HM13: variants seen among roughly 807,000 people sequenced by gnomAD.
HM13 encodes the protein histocompatibility minor 13.
HM13 carries 18 observed loss-of-function variants against 50.0 expected under a neutral mutation model. That is an observed-to-expected ratio of 0.36 (90% CI 0.25 to 0.53). The LOEUF (loss-of-function observed/expected upper bound fraction) is 0.53, where lower values mean the gene tolerates loss of function less well. HM13 is among the 20% of genes least tolerant of loss of function. The pLI is 0.90. For synonymous variants in HM13, 197 were observed against 232.6 expected, an observed-to-expected ratio of 0.85 and a Z score of 1.39; for missense variants, 393 against 552.4, an observed-to-expected ratio of 0.71 and a Z score of 2.89.
intron 3 of HM13, 70 bp from the exon 4 acceptor site, chr20:31,544,877 G>A (rs1437243379): frequency 1.6e-6 from 2 of 1,217,218 alleles, no homozygotes; most frequent in Non-Finnish European, 2.4e-6. Flanking sequence ...CTGTAAATGG[G>A]GCAGGGGTGT....
chr20:31,566,518 C>T (rs1984925043), intron 11 of HM13, among the ~76,000 whole-genome samples: 1 of 152,144 alleles, frequency 6.6e-6, no homozygotes, highest in Non-Finnish European at 1.5e-5. Flanking sequence ...CATCAGAGCC[C>T]TCTAGGCATC....
intron 1 of HM13, among the ~76,000 whole-genome samples, chr20:31,515,110 C>T (rs1981693740): frequency 6.6e-6 from 1 of 152,178 alleles, no homozygotes; most frequent in South Asian, 2.1e-4. Flanking sequence ...TCATGTATAC[C>T]TGATGGATAC....
intron 3 of HM13, chr20:31,539,024 AG>A: frequency 2.1e-6 from 2 of 948,992 alleles, no homozygotes; most frequent in Non-Finnish European, 2.5e-6. Flanking sequence ...TAAGCAACAG[AG>A]CCAGGATTCA....
At chr20:31,548,259 C>A in intron 4 of HM13, 1 of 511,768 alleles carries the variant, frequency 2.0e-6, no homozygotes. Context: ...TGCTAACACT[C>A]TGGAATGTGA....
rs546129856 is a variant in HM13 at position 31,514,658 on chromosome 20, A to G, written c.107A>G (p.Tyr36Cys). Residue 36 changes from tyrosine to cysteine, a missense_variant, in exon 1 of 13, where the codon TAC (tyrosine) becomes TGC (cysteine). Transcript: ENST00000398174. The surrounding 1 kb of genome is among the most constrained non-coding windows in gnomAD (Gnocchi z 4.3). ...ACGCCCGAGGGCATCGCGCTGGCCT[A>G]CGGCAGCCTCCTGCTCATGGCGCTG... Reference protein sequence around the residue: ...PSTPEGIALAYGSLLLMALLP... With the variant: ...PSTPEGIALACGSLLLMALLP... 1.3e-6 allele frequency: 2 copies of G among 1,567,156 alleles called. No individual in the cohort carries two copies. The highest frequency in any genetic ancestry group is 1.3e-5 in the African/African-American group (1 of 74,094).
intron 10 of HM13, among the ~76,000 whole-genome samples, chr20:31,565,211 C>T (rs1464172282): frequency 6.7e-6 from 1 of 149,468 alleles, no homozygotes; most frequent in Non-Finnish European, 1.5e-5. Context: ...GGGCGTGGTG[C>T]CTCAGGCCTA....
intron 3 of HM13, among the ~76,000 whole-genome samples, chr20:31,542,211 A>G (rs1425764643): frequency 1.3e-5 from 2 of 152,254 alleles, no homozygotes; most frequent in Admixed American, 1.3e-4. Context: ...GGAGGAAGGC[A>G]GGGGCCGCAG....
chr20:31,524,313 G>C (rs377400966), intron 1 of HM13, among the ~76,000 whole-genome samples: 604 of 152,228 alleles, frequency 4.0e-3, no homozygotes, highest in African/African-American at 0.013. Context: ...CTGTTTGACA[G>C]AGAAGTAAAC....
At chr20:31,538,509 A>G in intron 3 of HM13, 3 of 1,403,584 alleles carry the variant, frequency 2.1e-6, no homozygotes, top group Non-Finnish European at 2.8e-6. Flanking sequence ...CTGTTGGGAA[A>G]GTGATTTGTG....
At chr20:31,564,894 G>T (rs908530319) in intron 10 of HM13, among the ~76,000 whole-genome samples, 2 of 151,046 alleles carry the variant, frequency 1.3e-5, no homozygotes, top group African/African-American at 4.9e-5. Flanking sequence ...GGCCAGGCGC[G>T]GTGTCTCACG....
At chr20:31,535,008 C>G (rs984142797) in intron 2 of HM13, among the ~76,000 whole-genome samples, 9 of 151,750 alleles carry the variant, frequency 5.9e-5, no homozygotes, top group Admixed American at 5.9e-4. Flanking sequence ...GTGGCGTGAA[C>G]CCGGGAGGCA....
intron 10 of HM13, among the ~76,000 whole-genome samples, chr20:31,565,316 T>TA (rs1423062273): frequency 2.0e-5 from 3 of 147,482 alleles, no homozygotes; most frequent in Admixed American, 2.0e-4. Flanking sequence ...CCATCTCTAG[T>TA]AAAAATACAA....
At chr20:31,549,378 T>C in intron 6 of HM13, 46 bp downstream of exon 6, 2 of 1,611,406 alleles carry the variant, frequency 1.2e-6, no homozygotes, top group Middle Eastern at 1.7e-4. Flanking sequence ...CGGGGCCATC[T>C]CATCTCATCA....
rs994021490 is a variant in HM13, at chr20:31,524,671, T to A, written c.184-2813T>A. ...TAAGAGTGAGAATAAAGACTTTTTTTATTATTATTAAGAGCCATTTGTAGT... is the reference window on the plus strand; with the variant it reads ...TAAGAGTGAGAATAAAGACTTTTTTAATTATTATTAAGAGCCATTTGTAGT... On this transcript the variant is annotated intron_variant, in intron 1 of 12. Coordinates refer to ENST00000398174, the MANE Select transcript of HM13 (RefSeq NM_178581.3). Among the ~76,000 whole-genome samples, 8 of 151,970 alleles carry A rather than the reference T, an allele frequency of 5.3e-5. No individual in the cohort carries two copies. In the South Asian group the frequency reaches 1.0e-3, roughly 20 times the overall value.
At chr20:31,526,833 G>A (rs1156699774) in intron 1 of HM13, among the ~76,000 whole-genome samples, 2 of 152,204 alleles carry the variant, frequency 1.3e-5, no homozygotes, top group Non-Finnish European at 2.9e-5. Context: ...TGACAGAATA[G>A]TCATTTTTCC....
chr20:31,566,086 C>G (rs936528618), intron 10 of HM13, 124 bp from the exon 11 acceptor site: 26 of 654,528 alleles, frequency 4.0e-5, no homozygotes, highest in Non-Finnish European at 6.9e-5. Context: ...CAGCCACTGA[C>G]TTGCTATGGT....
rs748707219 is a variant in HM13 at position 31,566,240 on chromosome 20, A to T, written c.979A>T (p.Ile327Phe). 6 of 1,613,892 alleles carry T rather than the reference A, an allele frequency of 3.7e-6. No individual in the cohort carries two copies. The highest frequency in any genetic ancestry group is 5.1e-6 in the Non-Finnish European group (6 of 1,179,924). ...PALLYLVPACIGFPVLVALAK... is the reference protein window; with the variant it reads ...PALLYLVPACFGFPVLVALAK... ...CCTCCTATACCTGGTCCCCGCCTGC[A>T]TCGGTTTTCCTGTCCTGGTGGCGCT... is the stretch of plus-strand genomic sequence containing the variant. The change falls in exon 11 of 13, where the codon ATC becomes TTC. Residue 327 changes from isoleucine to phenylalanine, a missense_variant. By Grantham distance (21) the Ile-to-Phe change is conservative. Transcript: ENST00000398174.
chr20:31,549,976 A>G, intron 6 of HM13, 88 bp from the exon 7 acceptor site: 2 of 961,790 alleles, frequency 2.1e-6, no homozygotes, highest in Non-Finnish European at 3.4e-6. Context: ...GATCCCAGGC[A>G]GCAGCACATC....
At chr20:31,550,820 T>A (rs751257671) in intron 7 of HM13, among the ~76,000 whole-genome samples, 2 of 151,954 alleles carry the variant, frequency 1.3e-5, no homozygotes, top group Non-Finnish European at 2.9e-5. Flanking sequence ...TACAAAAAAT[T>A]AAAATATTAG....
Sources: gnomAD v4.1 joint callset for allele counts (sites outside exome capture counted in the v4.1 genomes callset) on GRCh38, gnomAD v4.1.1 for gene constraint, Gnocchi (gnomAD v3.1) non-coding constraint, MANE v1.5 for transcripts, NCBI Gene and HGNC (gene_info 2026-07-23, HGNC 2026-07-21) for gene names.